Variants in DHRSX observed in about 807,000 individuals in gnomAD.
DHRSX encodes the protein polyprenol dehydrogenase.
DHRSX carries 31 observed loss-of-function variants against 34.0 expected under a neutral mutation model. The ratio of observed to expected loss-of-function variants is 0.91; its 90% CI spans 0.69 to 1.23. The LOEUF (loss-of-function observed/expected upper bound fraction) is 1.23, where lower values mean the gene tolerates loss of function less well. DHRSX is among the 50% of genes most tolerant of loss of function. The pLI is 0.00. For missense variants in DHRSX, 414 were observed against 428.1 expected, an observed-to-expected ratio of 0.97 and a Z score of 0.29; for synonymous variants, 201 against 183.8, an observed-to-expected ratio of 1.09 and a Z score of -0.76.
At chrX:2,273,939 G>C (rs958101880) in intron 4 of DHRSX, among the ~76,000 whole-genome samples, 3 of 152,226 alleles carry the variant, frequency 2.0e-5, no homozygotes, top group African/African-American at 7.2e-5. Context: ...GAGAATTCCT[G>C]CGCCGTGGTG....
chrX:2,287,542 G>A (rs141333602), intron 4 of DHRSX, among the ~76,000 whole-genome samples: 47 of 117,780 alleles, frequency 4.0e-4, no homozygotes, highest in African/African-American at 1.4e-3. Context: ...TAATGGCCCC[G>A]AAGATGTCCA....
chrX:2,478,339 C>T (rs2044712842), intron 1 of DHRSX, among the ~76,000 whole-genome samples: 1 of 152,112 alleles, frequency 6.6e-6, no homozygotes, highest in South Asian at 2.1e-4. Context: ...GCAAAAGCAG[C>T]TTACAGGGTG....
chrX:2,238,525 T>G (rs760425142), intron 6 of DHRSX, among the ~76,000 whole-genome samples: 1 of 151,908 alleles, frequency 6.6e-6, no homozygotes, highest in African/African-American at 2.4e-5. Context: ...CACAGAGATA[T>G]GTATGTCACA....
intron 3 of DHRSX, among the ~76,000 whole-genome samples, chrX:2,293,306 G>C (rs112305912): frequency 0.035 from 5,109 of 147,406 alleles, 307 homozygotes; most frequent in African/African-American, 0.12. Context: ...AGAGGAACTA[G>C]AAAGAAAAGC....
At chrX:2,344,086 A>T (rs1435209073) in intron 3 of DHRSX, among the ~76,000 whole-genome samples, 1 of 152,166 alleles carries the variant, frequency 6.6e-6, no homozygotes, top group African/African-American at 2.4e-5. Flanking sequence ...AGACACAACC[A>T]TACATGGGCC....
intron 3 of DHRSX, among the ~76,000 whole-genome samples, chrX:2,385,845 G>A (rs1256375293): frequency 3.9e-5 from 6 of 152,156 alleles, no homozygotes; most frequent in Non-Finnish European, 8.8e-5. Flanking sequence ...GGAGTAAAAC[G>A]GTTTACTCAG....
At chrX:2,433,779 AC>A (rs2124659245) in intron 1 of DHRSX, among the ~76,000 whole-genome samples, 1 of 151,714 alleles carries the variant, frequency 6.6e-6, no homozygotes, top group African/African-American at 2.4e-5. Flanking sequence ...TATTTTTCTA[AC>A]CTTTTCTTTT....
intron 1 of DHRSX, among the ~76,000 whole-genome samples, chrX:2,459,338 T>C (rs2044362308): frequency 6.6e-6 from 1 of 151,926 alleles, no homozygotes; most frequent in Non-Finnish European, 1.5e-5. Flanking sequence ...TATCTGAATA[T>C]GTAAATTAGC....
intron 6 of DHRSX, among the ~76,000 whole-genome samples, chrX:2,240,312 A>T (rs113690735): frequency 0.13 from 20,406 of 151,578 alleles, 1,847 homozygotes; most frequent in Non-Finnish European, 0.19. Context: ...AGAAAAAGAA[A>T]AAGAAAAAAA....
chrX:2,453,710 G>C (rs1208500193), intron 1 of DHRSX, among the ~76,000 whole-genome samples: 1 of 151,298 alleles, frequency 6.6e-6, no homozygotes, highest in African/African-American at 2.4e-5. Flanking sequence ...TTTTCAGTTA[G>C]ATAAAACAAA....
At chrX:2,259,745 C>T (rs1248609932) in intron 5 of DHRSX, among the ~76,000 whole-genome samples, 1 of 151,964 alleles carries the variant, frequency 6.6e-6, no homozygotes, top group African/African-American at 2.4e-5. Flanking sequence ...TCGGGGAGTC[C>T]CTGACCCCGT....
chrX:2,330,070 C>CAGAGGGGGGGGGGGGG (rs1414558683), intron 3 of DHRSX, among the ~76,000 whole-genome samples: 1 of 74,768 alleles, frequency 1.3e-5, no homozygotes. Flanking sequence ...AGCAGAGAGA[C>CAGAGGGGGGGGGGGGG]GGCGGGGGGG....
intron 6 of DHRSX, among the ~76,000 whole-genome samples, chrX:2,241,728 A>T (rs1312675097): frequency 6.6e-6 from 1 of 152,004 alleles, no homozygotes; most frequent in Non-Finnish European, 1.5e-5. Context: ...GGTCAGCGTG[A>T]TGAAACCCCG....
At chrX:2,500,654 G>GCACCCCCC (rs2045400201) in intron 1 of DHRSX, 163 bp downstream of exon 1, 15 of 126,744 alleles carry the variant, frequency 1.2e-4, no homozygotes, top group African/African-American at 2.2e-4. Context: ...CGCGCACGCC[G>GCACCCCCC]CCCCCCCCCC....
At chrX:2,357,538 G>GA (rs2042871205) in intron 3 of DHRSX, among the ~76,000 whole-genome samples, 1 of 151,940 alleles carries the variant, frequency 6.6e-6, no homozygotes, top group South Asian at 2.1e-4. Context: ...TCTGCCAATG[G>GA]AAAAGCAAAT....
chrX:2,431,310 G>C (rs186809224), intron 1 of DHRSX, among the ~76,000 whole-genome samples: 1 of 140,540 alleles, frequency 7.1e-6, no homozygotes, highest in Non-Finnish European at 1.5e-5. Flanking sequence ...GGGCGACAGA[G>C]CTAGACTCCA....
intron 2 of DHRSX, among the ~76,000 whole-genome samples, chrX:2,420,575 T>C (rs764243194): frequency 2.6e-5 from 4 of 151,372 alleles, no homozygotes; most frequent in Admixed American, 2.6e-4. Flanking sequence ...AAACCCCGTC[T>C]CTACTAAAAA....
rs1298148218 is a variant in DHRSX, at chrX:2,447,572, T to C, written c.110-22268A>G. 2.0e-5 allele frequency among the ~76,000 whole-genome samples: 3 copies of C among 152,022 alleles called. No individual in the cohort carries two copies. In the East Asian group the frequency reaches 5.8e-4, roughly 29 times the overall value. On this transcript the variant is annotated intron_variant, in intron 1 of 6. Coordinates refer to ENST00000334651, the MANE Select transcript of DHRSX (RefSeq NM_145177.3). ...AAAGGAAATCAGCCCATCAACGGGA[T>C]ACCTGCACCCCCTGTGCACTGCAGC...
intron 1 of DHRSX, chrX:2,490,337 G>A: frequency 1.9e-6 from 3 of 1,613,190 alleles, no homozygotes; most frequent in Middle Eastern, 1.8e-4. Flanking sequence ...CAGCACGGCG[G>A]CCGTCAGCTC....
Sources: gnomAD v4.1 joint callset for allele counts (sites outside exome capture counted in the v4.1 genomes callset) on GRCh38, gnomAD v4.1.1 for gene constraint, MANE v1.5 for transcripts, NCBI Gene and HGNC (gene_info 2026-07-23, HGNC 2026-07-21) for gene names.